Variants in NUTM2E observed in about 807,000 individuals in gnomAD.
NUTM2E encodes NUT family member 2E, also known as family with sequence similarity 22, member E.
NUTM2E carries 3 observed loss-of-function variants against 26.1 expected under a neutral mutation model. That is an observed-to-expected ratio of 0.12 (90% confidence interval 0.05 to 0.30). The LOEUF is 0.30. Ranked by LOEUF, NUTM2E falls within the 10% of genes least tolerant of loss-of-function variation. The probability of loss-of-function intolerance (pLI) is 1.00; values close to 1 mark genes in which losing one functional copy is unlikely to be tolerated. For missense variants in NUTM2E, 62 were observed against 381.3 expected, an observed-to-expected ratio of 0.16 and a Z score of 6.97; for synonymous variants, 13 against 157.5, an observed-to-expected ratio of 0.08 and a Z score of 6.87.
rs11196664 is a variant in NUTM2E at position 79,839,130 on chromosome 10, C to T, written c.-2114+15C>T. Among the ~76,000 whole-genome samples the T allele has an allele frequency of 0.78, 117,767 of 150,884 alleles. 46,563 individuals are homozygous for T. The highest frequency in any genetic ancestry group is 0.83 in the Non-Finnish European group (56,520 of 67,706). On this transcript the variant is annotated intron_variant, in intron 3 of 9. Coordinates refer to ENST00000429984, the MANE Select transcript of NUTM2E (RefSeq NM_001355263.2). Reference sequence around the variant, plus strand: ...CCTAATTTTCGGTAATACAAACCTGCAGTCCATGCACCTAGGTAACACCCT... The same window carrying T: ...CCTAATTTTCGGTAATACAAACCTGTAGTCCATGCACCTAGGTAACACCCT...
chr10:79,836,451 G>A (rs1157819659), intron 1 of NUTM2E, among the ~76,000 whole-genome samples: 1 of 149,118 alleles, frequency 6.7e-6, no homozygotes, highest in African/African-American at 2.5e-5. Flanking sequence ...TTTATCTCTT[G>A]TAGTAGTTTT....
chr10:79,834,503 C>A (rs1841948386), intron 1 of NUTM2E, among the ~76,000 whole-genome samples: 1 of 151,202 alleles, frequency 6.6e-6, no homozygotes, highest in African/African-American at 2.4e-5. Context: ...GAATTCAAGA[C>A]CAGCCTGGGC....
At position 79,838,896 on chromosome 10, in the gene NUTM2E, C is replaced by A. The variant is rs1186721982; in HGVS notation, c.-2333C>A. Among the ~76,000 whole-genome samples the A allele has an allele frequency of 1.3e-5, 2 of 149,486 alleles. No homozygotes were observed. The highest frequency in any genetic ancestry group is 4.3e-4 in the South Asian group (2 of 4,698). On this transcript the variant is annotated 5_prime_UTR_variant, in exon 3 of 10. Transcript: ENST00000429984. ...AACTGGCGCTGGGAGCGGTTGAGGG[C>A]GGCCGGCCTCGCGCTGGAACCTCGC... is the stretch of plus-strand genomic sequence containing the variant.
intron 1 of NUTM2E, among the ~76,000 whole-genome samples, chr10:79,828,641 C>G (rs1229509852): frequency 6.6e-6 from 1 of 151,820 alleles, no homozygotes. Context: ...GAATGAGGGG[C>G]CATACAGCCA....
At chr10:79,833,355 G>C (rs1449515564) in intron 1 of NUTM2E, among the ~76,000 whole-genome samples, 1 of 151,078 alleles carries the variant, frequency 6.6e-6, no homozygotes, top group Non-Finnish European at 1.5e-5. Context: ...GAAATGTCTT[G>C]ACAAATGGGA....
chr10:79,835,141 CTA>C (rs1490368443), intron 1 of NUTM2E, among the ~76,000 whole-genome samples: 3 of 146,512 alleles, frequency 2.0e-5, no homozygotes, highest in Non-Finnish European at 4.5e-5. Context: ...ACTATGGACT[CTA>C]TTTACTCAGA....
chr10:79,837,548 C>T (rs1418178166), intron 1 of NUTM2E, among the ~76,000 whole-genome samples: 2 of 152,130 alleles, frequency 1.3e-5, no homozygotes, highest in African/African-American at 2.4e-5. Context: ...ACACATGTCA[C>T]GGCTAATAAT....
chr10:79,833,241 AAAGTTT>A (rs1276203475), intron 1 of NUTM2E, among the ~76,000 whole-genome samples: 2 of 151,882 alleles, frequency 1.3e-5, no homozygotes, highest in African/African-American at 4.8e-5. Context: ...CGTTACCATT[AAAGTTT>A]GAGTTGGATG....
At chr10:79,831,874 A>G (rs911408648) in intron 1 of NUTM2E, among the ~76,000 whole-genome samples, 26 of 151,160 alleles carry the variant, frequency 1.7e-4, no homozygotes, top group South Asian at 4.2e-4. Context: ...AGACTGGGTG[A>G]CTTAATCACA....
At position 79,826,908 on chromosome 10, in the gene NUTM2E, G is replaced by C. The variant is rs1488573360; in HGVS notation, c.-3177G>C. The C allele has an allele frequency of 2.0e-5, 3 of 151,038 alleles. 1 individual carries two copies. Among genetic ancestry groups the C allele is most frequent in the Admixed American group, 1.3e-4 (2 of 15,144 alleles). 9.4% of individuals were successfully genotyped at this position (151,038 alleles called of 1,614,324 possible). On this transcript the variant is annotated 5_prime_UTR_variant, in exon 1 of 10. Coordinates refer to ENST00000429984, the MANE Select transcript of NUTM2E (RefSeq NM_001355263.2). ...TCGTCCGCGACGCAGCTCGGGATCC[G>C]GGTCGGGGTGTCGGCCGGGTTGCTG...
Position 79,826,746 on chromosome 10 carries a change from C to G in NUTM2E, c.-3339C>G, listed in dbSNP as rs1841882542. The stretch of plus-strand genomic sequence containing the variant: ...ATATCGGGGGAAAGCCGCGAGAAGG[C>G]CAGCGTCCCTCGCTGGGAGCAGAGC... On this transcript the variant is annotated 5_prime_UTR_variant, in exon 1 of 10. Transcript: ENST00000429984. 1 of 156,468 alleles carries G rather than the reference C, an allele frequency of 6.4e-6. No homozygotes were observed. The highest frequency in any genetic ancestry group is 6.6e-5 in the Admixed American group (1 of 15,230). 9.7% of individuals were successfully genotyped at this position (156,468 alleles called of 1,614,324 possible).
intron 1 of NUTM2E, among the ~76,000 whole-genome samples, chr10:79,830,880 A>G (rs1305506411): frequency 6.6e-6 from 1 of 151,586 alleles, no homozygotes; most frequent in Non-Finnish European, 1.5e-5. Context: ...TAGTGCCCCC[A>G]GTAGAGATAT....
chr10:79,836,517 A>G (rs1841964445), intron 1 of NUTM2E, among the ~76,000 whole-genome samples: 1 of 151,884 alleles, frequency 6.6e-6, no homozygotes, highest in Admixed American at 6.6e-5. Flanking sequence ...CTGCTTTGTT[A>G]TATGTTGTGT....
At chr10:79,827,799 T>G (rs1444902564) in intron 1 of NUTM2E, among the ~76,000 whole-genome samples, 2 of 128,866 alleles carry the variant, frequency 1.6e-5, no homozygotes, top group East Asian at 3.1e-4. Context: ...TTTTTTGTTT[T>G]TTTTTTTTTG....
intron 1 of NUTM2E, among the ~76,000 whole-genome samples, chr10:79,830,020 A>G (rs1175451395): frequency 6.6e-6 from 1 of 151,682 alleles, no homozygotes; most frequent in African/African-American, 2.4e-5. Flanking sequence ...GGACTGGGGC[A>G]TACCTTTTAA....
At chr10:79,830,797 C>T (rs1841922978) in intron 1 of NUTM2E, among the ~76,000 whole-genome samples, 1 of 151,696 alleles carries the variant, frequency 6.6e-6, no homozygotes. Context: ...AAACAGAGTT[C>T]ATAAGTCTTA....
At position 79,829,304 on chromosome 10, in the gene NUTM2E, G is replaced by T. The variant is rs1263963744; in HGVS notation, c.-2728+1947G>T. ...TAACAATGAGAGCAAAGGCCAAAAT[G>T]TATGGAGTATTTATTATGTGTCAGA... is the stretch of plus-strand genomic sequence containing the variant. On this transcript the variant is annotated intron_variant, in intron 1 of 9. Coordinates refer to ENST00000429984, the MANE Select transcript of NUTM2E (RefSeq NM_001355263.2). 1.4e-4 allele frequency among the ~76,000 whole-genome samples: 21 copies of T among 151,346 alleles called. 1 individual carries two copies. The highest frequency in any genetic ancestry group is 2.4e-5 in the African/African-American group (1 of 41,214).
intron 1 of NUTM2E, among the ~76,000 whole-genome samples, chr10:79,836,264 A>G (rs1841963075): frequency 6.6e-6 from 1 of 151,898 alleles, no homozygotes; most frequent in East Asian, 1.9e-4. Flanking sequence ...AAGTGAATGA[A>G]CTAGTCATCT....
chr10:79,838,813 C>A lies in NUTM2E; in HGVS notation c.-2416C>A, dbSNP rs975806642. Among the ~76,000 whole-genome samples, 3 of 151,778 alleles carry A rather than the reference C, an allele frequency of 2.0e-5. No homozygotes were observed. Among genetic ancestry groups the A allele is most frequent in the African/African-American group, 7.3e-5 (3 of 41,332 alleles). Reference sequence around the variant, plus strand: ...AAGAAGGACGCCATGAGAGCGAAGGCCGTTGGGTCACCGCCCTTTGCTCTC... The same window carrying A: ...AAGAAGGACGCCATGAGAGCGAAGGACGTTGGGTCACCGCCCTTTGCTCTC... On this transcript the variant is annotated 5_prime_UTR_variant, in exon 3 of 10. Coordinates refer to ENST00000429984, the MANE Select transcript of NUTM2E (RefSeq NM_001355263.2).
Sources: allele counts gnomAD v4.1 joint callset (sites outside exome capture counted in the v4.1 genomes callset), GRCh38; gene constraint gnomAD v4.1.1; transcripts MANE v1.5; gene names NCBI Gene and HGNC (gene_info 2026-07-23, HGNC 2026-07-21).